The following LAMA1 variants were observed in gnomAD, a reference collection of about 807,000 sequenced individuals.
LAMA1 encodes laminin subunit alpha-1.
In LAMA1, 219 loss-of-function variants were observed where a neutral mutation model predicts 348.7. That is an observed-to-expected ratio of 0.63 (90% confidence interval 0.56 to 0.70). The LOEUF is 0.70. LAMA1 is among the 30% of genes least tolerant of loss of function. LAMA1 has a pLI of 0.00. For missense variants in LAMA1, 3,744 were observed against 3,888.0 expected, an observed-to-expected ratio of 0.96 and a Z score of 0.99; for synonymous variants, 1,487 against 1,491.0, an observed-to-expected ratio of 1.00 and a Z score of 0.06.
At chr18:7,005,050 C>A (rs2057825859) in intron 29 of LAMA1, among the ~76,000 whole-genome samples, 1 of 152,134 alleles carries the variant, frequency 6.6e-6, no homozygotes, top group Admixed American at 6.5e-5. Flanking sequence ...GCGTTAGGCT[C>A]AGGGCAGGAT....
At chr18:6,999,364 T>G in intron 32 of LAMA1, 81 bp downstream of exon 32, 1 of 1,382,992 alleles carries the variant, frequency 7.2e-7, no homozygotes, top group Non-Finnish European at 1.0e-6. Flanking sequence ...CTGCAGACAC[T>G]TTAGCGTGCC....
intron 16 of LAMA1, among the ~76,000 whole-genome samples, chr18:7,026,476 T>A (rs376131451): frequency 3.5e-4 from 54 of 152,160 alleles, no homozygotes; most frequent in African/African-American, 1.2e-3. Flanking sequence ...CGCCTCCAAC[T>A]GTTTTTTAGT....
chr18:6,942,111 A>G lies in LAMA1; in HGVS notation c.9196T>C (p.Phe3066Leu). 1 of 1,614,192 alleles carries G rather than the reference A, an allele frequency of 6.2e-7. No individual in the cohort carries two copies. The highest frequency in any genetic ancestry group is 8.5e-7 in the Non-Finnish European group (1 of 1,180,034). The stretch of plus-strand genomic sequence containing the variant: ...TCGGTCCCAGGACAGGAATGAAGGA[A>G]AACTCCGTGCAGTTCGAACGCTCTG... ...FSRAFELHGV[F>L]LHSCPGTES Residue 3066 changes from phenylalanine to leucine, a missense_variant, in exon 63 of 63, where the codon TTC becomes CTC. Physicochemically the swap from Phe to Leu is conservative, Grantham distance 22. Coordinates refer to ENST00000389658, the MANE Select transcript of LAMA1 (RefSeq NM_005559.4).
intron 47 of LAMA1, chr18:6,972,241 G>A (rs1234711238): frequency 4.6e-6 from 2 of 438,094 alleles, no homozygotes; most frequent in Non-Finnish European, 8.5e-6. Flanking sequence ...CGTGTTGTAC[G>A]AGTGAGAAAA....
chr18:7,001,495 T>C (rs1182337124), intron 30 of LAMA1, among the ~76,000 whole-genome samples: 2 of 152,158 alleles, frequency 1.3e-5, no homozygotes, highest in Non-Finnish European at 2.9e-5. Context: ...CTTCATAGCT[T>C]GCAAGGGAAG....
chr18:6,946,284 G>A (rs565350600), intron 61 of LAMA1, among the ~76,000 whole-genome samples: 6 of 152,184 alleles, frequency 3.9e-5, no homozygotes, highest in South Asian at 2.1e-4. Context: ...TACCTACTGC[G>A]TTATTTCATT....
intron 1 of LAMA1, among the ~76,000 whole-genome samples, chr18:7,103,440 G>T (rs2058299437): frequency 6.6e-6 from 1 of 151,700 alleles, no homozygotes; most frequent in Non-Finnish European, 1.5e-5. Flanking sequence ...GTGAGCAGAG[G>T]CCTTGGTTCC....
chr18:7,117,328 G>C (rs968100848), intron 1 of LAMA1, among the ~76,000 whole-genome samples: 3 of 150,446 alleles, frequency 2.0e-5, no homozygotes, highest in African/African-American at 4.9e-5. Flanking sequence ...CGGGCGCCCC[G>C]CTCCCGCCAC....
intron 3 of LAMA1, among the ~76,000 whole-genome samples, chr18:7,075,301 GA>G (rs1450724822): frequency 1.3e-5 from 2 of 152,188 alleles, no homozygotes; most frequent in East Asian, 1.9e-4. Context: ...AAGAAAAGAG[GA>G]GGGGGGGGAA....
intron 51 of LAMA1, 65 bp from the exon 52 acceptor site, chr18:6,962,124 G>A (rs752162391): frequency 1.1e-5 from 13 of 1,156,842 alleles, no homozygotes; most frequent in Non-Finnish European, 1.6e-5. Context: ...TTGAAAGAAG[G>A]AATACAAAGC....
In LAMA1 at chr18:6,961,684, A is replaced by G. The variant is rs1372444006; in HGVS notation, c.7528T>C (p.Trp2510Arg). 1.5e-5 allele frequency: 25 copies of G among 1,614,058 alleles called. No individual in the cohort carries two copies. The highest frequency in any genetic ancestry group is 4.0e-5 in the African/African-American group (3 of 74,932). The change falls in exon 53 of 63, where the codon TGG (tryptophan) becomes CGG (arginine). Residue 2510 changes from tryptophan to arginine, a missense_variant. Transcript: ENST00000389658. ...PPKSLSPESE[W>R]LVTFATTNSS... ...TTCGTGGTGGCAAATGTTACCAGCCATTCTGATTCTGGTGACAAAGATTTG... is the reference window on the plus strand; with the variant it reads ...TTCGTGGTGGCAAATGTTACCAGCCGTTCTGATTCTGGTGACAAAGATTTG...
Position 7,012,084 on chromosome 18 carries a change from G to A in LAMA1, c.3418C>T (p.Arg1140Cys), listed in dbSNP as rs149357158. ...CTGCAGCCCAGGGGGTTGTCTGCGC[G>A]GAGAGCGAAGGTGCCCTCTCGACAT... ...NECREGTFAL[R>C]ADNPLGCSPC... The change falls in exon 24 of 63, where the codon CGC becomes TGC. Residue 1140 changes from arginine to cysteine, a missense_variant. Physicochemically the swap from Arg to Cys is radical, Grantham distance 180 (BLOSUM62 -3). Coordinates refer to ENST00000389658, the MANE Select transcript of LAMA1 (RefSeq NM_005559.4). 59 of 1,613,392 alleles carry A rather than the reference G, an allele frequency of 3.7e-5. No homozygotes were observed. In the African/African-American group the frequency reaches 4.3e-4, roughly 12 times the overall value.
At chr18:7,077,490 C>T (rs2058174232) in intron 3 of LAMA1, among the ~76,000 whole-genome samples, 1 of 152,094 alleles carries the variant, frequency 6.6e-6, no homozygotes. Context: ...CAGGCATGAG[C>T]CACTGCACCT....
chr18:7,003,571 T>C (rs895698114), intron 29 of LAMA1, among the ~76,000 whole-genome samples: 1 of 152,184 alleles, frequency 6.6e-6, no homozygotes, highest in Non-Finnish European at 1.5e-5. Flanking sequence ...AAGGTACACA[T>C]TTTTAAAGCT....
At chr18:7,075,611 G>A (rs945001726) in intron 3 of LAMA1, among the ~76,000 whole-genome samples, 15 of 146,894 alleles carry the variant, frequency 1.0e-4, no homozygotes, top group Non-Finnish European at 2.1e-4. Flanking sequence ...AAACAAGAGC[G>A]AAACTCCGTC....
At chr18:7,044,946 A>G (rs2058036029) in intron 6 of LAMA1, 107 bp from the exon 7 acceptor site, 1 of 835,404 alleles carries the variant, frequency 1.2e-6, no homozygotes, top group African/African-American at 1.7e-5. Context: ...AGAACCTCAC[A>G]ACAGAGGATA....
In LAMA1 at chr18:7,015,880, G is replaced by T. The variant is rs1021080181; in HGVS notation, c.2990-22C>A. The T allele has an allele frequency of 4.3e-6, 7 of 1,613,812 alleles. No individual in the cohort carries two copies. The African/African-American group carries it at 8.0e-5, about 18-fold the overall frequency. On this transcript the variant is annotated intron_variant, in intron 21 of 62. Transcript: ENST00000389658. Reference sequence around the variant, plus strand: ...CAGGCTGAAATAAAGATGAATGCTGGGTTACAGATCTGGGTGATGTCATTA... The same window carrying T: ...CAGGCTGAAATAAAGATGAATGCTGTGTTACAGATCTGGGTGATGTCATTA...
chr18:7,069,706 C>A (rs115324860), intron 3 of LAMA1, among the ~76,000 whole-genome samples: 3 of 152,160 alleles, frequency 2.0e-5, no homozygotes, highest in Non-Finnish European at 4.4e-5. Flanking sequence ...AAAGACCACA[C>A]GGAGACGCCC....
intron 1 of LAMA1, among the ~76,000 whole-genome samples, chr18:7,087,566 A>G (rs905959800): frequency 2.0e-5 from 3 of 152,340 alleles, no homozygotes; most frequent in African/African-American, 7.2e-5. Context: ...TTCTATTCAA[A>G]TATAGCATAT....
Sources: allele counts gnomAD v4.1 joint callset (sites outside exome capture counted in the v4.1 genomes callset), GRCh38; gene constraint gnomAD v4.1.1; transcripts MANE v1.5; gene names NCBI Gene and HGNC (gene_info 2026-07-23, HGNC 2026-07-21).